The following PLSCR1 variants were observed in gnomAD, a reference collection of about 807,000 sequenced individuals.
PLSCR1 encodes phospholipid scramblase 1, also known as PL scramblase 1.
A neutral mutation model predicts 37.8 loss-of-function variants in PLSCR1; 17 were observed. That is an observed-to-expected ratio of 0.45 (90% CI 0.31 to 0.68). The LOEUF (loss-of-function observed/expected upper bound fraction) is 0.68. PLSCR1 is among the 30% of genes least tolerant of loss of function. The pLI, the probability that PLSCR1 is intolerant of heterozygous loss-of-function variation, is 0.06. For synonymous variants in PLSCR1, 116 were observed against 125.9 expected, an observed-to-expected ratio of 0.92 and a Z score of 0.53; for missense variants, 347 against 380.9, an observed-to-expected ratio of 0.91 and a Z score of 0.74.
rs541650975 is a variant in PLSCR1 at position 146,530,692 on chromosome 3, G to A, written c.95-1861C>T. On this transcript the variant is annotated intron_variant, in intron 3 of 8. Coordinates refer to ENST00000342435, the MANE Select transcript of PLSCR1 (RefSeq NM_021105.3). ...TGACTTTGTAATGAATTTGACAGGC[G>A]TAAAAGAGAGAGGAATGTCATAAGA... Among the ~76,000 whole-genome samples the A allele has an allele frequency of 3.6e-3, 527 of 147,496 alleles. 3 individuals carry two copies. Among genetic ancestry groups the A allele is most frequent in the African/African-American group, 0.012 (479 of 40,750 alleles).
At position 146,534,093 on chromosome 3, in the gene PLSCR1, A is replaced by G. The variant is rs564581516; in HGVS notation, c.14-543T>C. ...CCCCAAATATGACTGTTTTTGACCC[A>G]CAAAAGCCATGTTTAATTACAATAC... is the stretch of plus-strand genomic sequence containing the variant. On this transcript the variant is annotated intron_variant, in intron 2 of 8. Coordinates refer to ENST00000342435, the MANE Select transcript of PLSCR1 (RefSeq NM_021105.3). Among the ~76,000 whole-genome samples, 9 of 152,296 alleles carry G rather than the reference A, an allele frequency of 5.9e-5. No individual in the cohort carries two copies. In the South Asian group the frequency reaches 1.9e-3, roughly 32 times the overall value.
intron 5 of PLSCR1, among the ~76,000 whole-genome samples, chr3:146,523,452 T>C (rs1350706080): frequency 1.3e-5 from 2 of 152,220 alleles, no homozygotes; most frequent in Non-Finnish European, 2.9e-5. Flanking sequence ...ATTAAATCAA[T>C]TGGTTTGAGA....
chr3:146,528,902 G>T, intron 3 of PLSCR1, 71 bp from the exon 4 acceptor site: 1 of 1,070,546 alleles, frequency 9.3e-7, no homozygotes, highest in Non-Finnish European at 1.4e-6. Context: ...TTAGGGTTAT[G>T]CCATCTATCT....
rs1061307 is a variant in PLSCR1 at position 146,544,557 on chromosome 3, C to T, written c.-104G>A. ...CTTCCTCTTCTGCGCCTCTAGACTG[C>T]CGGGCACAGCTGCTGCGCAACCTTC... On this transcript the variant is annotated 5_prime_UTR_variant, in exon 1 of 9. Coordinates refer to ENST00000342435, the MANE Select transcript of PLSCR1 (RefSeq NM_021105.3). The T allele has an allele frequency of 0.14, 21,994 of 152,398 alleles. 2,183 individuals carry two copies. The highest frequency in any genetic ancestry group is 0.28 in the African/African-American group (11,807 of 41,538). The allele number at this position is 152,398 out of a possible 1,614,324, so 9.4% of individuals were successfully genotyped here. A position where few individuals can be genotyped will look rare whatever the true frequency, so the allele number is the denominator to read the frequency against.
At chr3:146,516,158 A>G in intron 8 of PLSCR1, 57 bp from the exon 9 acceptor site, 1 of 1,065,890 alleles carries the variant, frequency 9.4e-7, no homozygotes, top group Non-Finnish European at 1.4e-6. Context: ...GAGATCAATT[A>G]TCAGATGCAG....
At position 146,515,289 on chromosome 3, in the gene PLSCR1, A is replaced by G. The variant is rs914080959; in HGVS notation, c.*756T>C. 3 of 152,222 alleles carry G rather than the reference A, an allele frequency of 2.0e-5. No individual in the cohort carries two copies. Among genetic ancestry groups the G allele is most frequent in the Non-Finnish European group, 2.9e-5 (2 of 68,042 alleles). 9.4% of individuals were successfully genotyped at this position (152,222 alleles called of 1,614,324 possible). A position where few individuals can be genotyped will look rare whatever the true frequency, so the allele number is the denominator to read the frequency against. ...ATTGTATTTAATTAATATCTGAGTAATCTCAATTACCATTTTCTAGGAAGG... is the reference window on the plus strand; with the variant it reads ...ATTGTATTTAATTAATATCTGAGTAGTCTCAATTACCATTTTCTAGGAAGG... On this transcript the variant is annotated 3_prime_UTR_variant, in exon 9 of 9. Coordinates refer to ENST00000342435, the MANE Select transcript of PLSCR1 (RefSeq NM_021105.3).
rs185425684 is a variant in PLSCR1, at chr3:146,526,784, A to G, written c.313-1137T>C. Among the ~76,000 whole-genome samples the G allele has an allele frequency of 1.3e-4, 19 of 151,098 alleles. No individual in the cohort carries two copies. The Admixed American group carries it at 1.3e-3, about 10-fold the overall frequency. On this transcript the variant is annotated intron_variant, in intron 4 of 8. Transcript: ENST00000342435. Reference sequence around the variant, plus strand: ...ATGTTAAGTGAAATAAGCCAGGCACAGAAAGAAAAATACTGAATGTTCTCA... The same window carrying G: ...ATGTTAAGTGAAATAAGCCAGGCACGGAAAGAAAAATACTGAATGTTCTCA...
intron 7 of PLSCR1, chr3:146,517,492 A>G (rs1421158942): frequency 6.4e-6 from 1 of 155,136 alleles, no homozygotes; most frequent in African/African-American, 2.4e-5. Flanking sequence ...TTCTTTGATG[A>G]CATTTCTAGA....
chr3:146,534,875 C>CAAAT lies in PLSCR1; in HGVS notation c.14-1329_14-1326dup, dbSNP rs964315992. On this transcript the variant is annotated intron_variant, in intron 2 of 8. Transcript: ENST00000342435. ...TGGGCGACAGAGCGAGACTCCATCTCAAATAAATAAATAAATAAATAAATA... is the reference window on the plus strand; with the variant it reads ...TGGGCGACAGAGCGAGACTCCATCTCAAATAAATAAATAAATAAATAAATAAATA... Among the ~76,000 whole-genome samples, 572 of 152,000 alleles carry CAAAT rather than the reference C, an allele frequency of 3.8e-3. 3 individuals are homozygous for CAAAT. The highest frequency in any genetic ancestry group is 0.018 in the East Asian group (93 of 5,166).
At chr3:146,534,624 C>G (rs2044242025) in intron 2 of PLSCR1, among the ~76,000 whole-genome samples, 1 of 151,948 alleles carries the variant, frequency 6.6e-6, no homozygotes, top group African/African-American at 2.4e-5. Flanking sequence ...GGAATCCAGT[C>G]CATGGTGATT....
At chr3:146,524,221 C>G (rs1340434226) in intron 5 of PLSCR1, among the ~76,000 whole-genome samples, 2 of 152,130 alleles carry the variant, frequency 1.3e-5, no homozygotes, top group East Asian at 3.9e-4. Context: ...ATTTGTAAAA[C>G]AACATTGGTT....
At chr3:146,529,434 C>T (rs2108646208) in intron 3 of PLSCR1, among the ~76,000 whole-genome samples, 1 of 152,168 alleles carries the variant, frequency 6.6e-6, no homozygotes, top group East Asian at 1.9e-4. Flanking sequence ...GCCAGAACAG[C>T]TCCCTAAAAA....
intron 7 of PLSCR1, 139 bp from the exon 8 acceptor site, chr3:146,517,306 T>G: frequency 2.4e-6 from 1 of 422,170 alleles, no homozygotes; most frequent in Admixed American, 4.3e-5. Context: ...TGGAGGCTCC[T>G]GTATCTATTT....
intron 4 of PLSCR1, chr3:146,528,020 G>A (rs1431212101): frequency 2.6e-5 from 4 of 152,104 alleles, no homozygotes; most frequent in African/African-American, 9.7e-5. Flanking sequence ...TAAAAATGCA[G>A]TTTTATTAGT....
intron 7 of PLSCR1, among the ~76,000 whole-genome samples, chr3:146,519,365 T>C (rs1224263108): frequency 1.3e-5 from 2 of 152,112 alleles, no homozygotes; most frequent in African/African-American, 4.8e-5. Context: ...GATCAGTTTC[T>C]ATATTTTGAG....
intron 1 of PLSCR1, chr3:146,538,126 T>A (rs961140253): frequency 6.7e-5 from 10 of 149,586 alleles, no homozygotes; most frequent in African/African-American, 2.2e-4. Context: ...TTGCATTAAC[T>A]GGTCAGAAAT....
chr3:146,523,069 C>T (rs1321348228), intron 5 of PLSCR1, among the ~76,000 whole-genome samples: 2 of 152,224 alleles, frequency 1.3e-5, no homozygotes, highest in Non-Finnish European at 2.9e-5. Flanking sequence ...ACTAAGGGAA[C>T]TCAGAGGCCG....
chr3:146,543,234 C>G (rs1165782967), intron 1 of PLSCR1, among the ~76,000 whole-genome samples: 1 of 152,186 alleles, frequency 6.6e-6, no homozygotes, highest in Admixed American at 6.5e-5. Flanking sequence ...ACATAAGGGT[C>G]TGCTCACACA....
In PLSCR1 at chr3:146,544,542, T is replaced by C. The variant is rs994006114; in HGVS notation, c.-89A>G. 1 of 152,362 alleles carries C rather than the reference T, an allele frequency of 6.6e-6. No homozygotes were observed. Among genetic ancestry groups the C allele is most frequent in the African/African-American group, 2.4e-5 (1 of 41,470 alleles). The allele number at this position is 152,362 out of a possible 1,614,324, so 9.4% of individuals were successfully genotyped here. On this transcript the variant is annotated 5_prime_UTR_variant, in exon 1 of 9. Coordinates refer to ENST00000342435, the MANE Select transcript of PLSCR1 (RefSeq NM_021105.3). ...GGGGCCAGGCGATGGCTTCCTCTTC[T>C]GCGCCTCTAGACTGCCGGGCACAGC...
Sources: gnomAD v4.1 joint callset for allele counts (sites outside exome capture counted in the v4.1 genomes callset) on GRCh38, gnomAD v4.1.1 for gene constraint, MANE v1.5 for transcripts, NCBI Gene and HGNC (gene_info 2026-07-23, HGNC 2026-07-21) for gene names.